The following ZBTB46 variants were observed in gnomAD, a reference collection of about 807,000 sequenced individuals.
ZBTB46 encodes the protein zinc finger and BTB domain-containing protein 46.
In ZBTB46, 8 loss-of-function variants were observed where a neutral mutation model predicts 44.1. The ratio of observed to expected loss-of-function variants is 0.18; its 90% CI spans 0.11 to 0.33. The LOEUF is 0.33. ZBTB46 is among the 10% of genes least tolerant of loss of function. The pLI, the probability that ZBTB46 is intolerant of heterozygous loss-of-function variation, is 1.00. For missense variants in ZBTB46, 651 were observed against 847.7 expected, an observed-to-expected ratio of 0.77 and a Z score of 2.88; for synonymous variants, 409 against 382.3, an observed-to-expected ratio of 1.07 and a Z score of -0.81.
At chr20:63,782,559 G>A (rs2092479708) in intron 2 of ZBTB46, among the ~76,000 whole-genome samples, 1 of 152,192 alleles carries the variant, frequency 6.6e-6, no homozygotes, top group African/African-American at 2.4e-5. Context: ...TCAGGAGCCA[G>A]GTGCTTGCCA....
intron 1 of ZBTB46, among the ~76,000 whole-genome samples, chr20:63,794,941 C>A (rs974214082): frequency 6.6e-6 from 1 of 152,216 alleles, no homozygotes; most frequent in Non-Finnish European, 1.5e-5. Flanking sequence ...CCGTGTGGCA[C>A]CCCCGTGCGC....
chr20:63,779,181 C>G (rs2092448513), intron 2 of ZBTB46, among the ~76,000 whole-genome samples: 1 of 152,008 alleles, frequency 6.6e-6, no homozygotes, highest in South Asian at 2.1e-4. Context: ...GGTGCACATT[C>G]AGCTCATAAC....
chr20:63,792,217 C>T (rs1206739515), intron 1 of ZBTB46, among the ~76,000 whole-genome samples: 1 of 152,248 alleles, frequency 6.6e-6, no homozygotes, highest in East Asian at 1.9e-4. Context: ...ACAGACAAAT[C>T]GTAAGGGGAC....
chr20:63,755,414 C>T (rs6122160), intron 3 of ZBTB46, among the ~76,000 whole-genome samples: 46,475 of 152,192 alleles, frequency 0.31, 7,687 homozygotes, highest in Admixed American at 0.38. Context: ...GGCTTGTGAC[C>T]GCATCGCTCC....
At chr20:63,770,017 G>A (rs1200173096) in intron 3 of ZBTB46, among the ~76,000 whole-genome samples, 2 of 152,218 alleles carry the variant, frequency 1.3e-5, no homozygotes, top group African/African-American at 2.4e-5. Flanking sequence ...CTTCACGGGA[G>A]GCGGCACCGC....
chr20:63,808,713 G>C (rs1407350353), intron 1 of ZBTB46, among the ~76,000 whole-genome samples: 1 of 152,130 alleles, frequency 6.6e-6, no homozygotes, highest in Non-Finnish European at 1.5e-5. Context: ...GGTGGCTCAC[G>C]CCTGTAATCC....
At chr20:63,777,698 G>A (rs1002716310) in intron 2 of ZBTB46, among the ~76,000 whole-genome samples, 9 of 152,168 alleles carry the variant, frequency 5.9e-5, no homozygotes, top group Non-Finnish European at 1.2e-4. Context: ...CGTCCAGGAC[G>A]CGCGTAGCAC....
chr20:63,793,814 G>C (rs1366348836), intron 1 of ZBTB46, among the ~76,000 whole-genome samples: 1 of 131,834 alleles, frequency 7.6e-6, no homozygotes, highest in Non-Finnish European at 1.6e-5. Context: ...AATCCAATCA[G>C]GGCAGCTTAA....
intron 1 of ZBTB46, among the ~76,000 whole-genome samples, chr20:63,807,420 CTG>C: frequency 6.6e-6 from 1 of 152,230 alleles, no homozygotes; most frequent in African/African-American, 2.4e-5. Context: ...TCTTGGCTCA[CTG>C]CAACTTCTAC....
At chr20:63,765,428 G>T (rs1305440316) in intron 3 of ZBTB46, among the ~76,000 whole-genome samples, 1 of 152,122 alleles carries the variant, frequency 6.6e-6, no homozygotes, top group African/African-American at 2.4e-5. Flanking sequence ...GGTTATGTGT[G>T]GGCGTTTCTT....
intron 1 of ZBTB46, among the ~76,000 whole-genome samples, chr20:63,830,892 C>T (rs1291260487): frequency 3.5e-5 from 5 of 142,154 alleles, no homozygotes; most frequent in African/African-American, 1.3e-4. Context: ...GGGTCTCCGC[C>T]GCCGCCCCCG....
At chr20:63,802,496 C>G (rs2092653835) in intron 1 of ZBTB46, among the ~76,000 whole-genome samples, 1 of 152,014 alleles carries the variant, frequency 6.6e-6, no homozygotes, top group African/African-American at 2.4e-5. Flanking sequence ...GAAATTTGGA[C>G]ACAGGTCGGC....
intron 1 of ZBTB46, among the ~76,000 whole-genome samples, chr20:63,823,515 AATAAG>A (rs1374116188): frequency 7.2e-5 from 11 of 151,762 alleles, no homozygotes; most frequent in Admixed American, 6.6e-5. Context: ...TAAATAAATA[AATAAG>A]ATAAAATAAA....
chr20:63,802,667 C>T (rs1253645936), intron 1 of ZBTB46, among the ~76,000 whole-genome samples: 4 of 146,100 alleles, frequency 2.7e-5, no homozygotes, highest in Non-Finnish European at 6.0e-5. Context: ...CTCAGACCCC[C>T]AGCACCCTCC....
intron 2 of ZBTB46, among the ~76,000 whole-genome samples, chr20:63,786,573 G>A (rs888875065): frequency 7.9e-5 from 12 of 152,094 alleles, no homozygotes; most frequent in Non-Finnish European, 1.3e-4. Flanking sequence ...GTGCAGTGGC[G>A]CGATCTCAGC....
intron 3 of ZBTB46, among the ~76,000 whole-genome samples, chr20:63,765,487 G>A (rs2092313934): frequency 6.6e-6 from 1 of 152,214 alleles, no homozygotes; most frequent in South Asian, 2.1e-4. Context: ...GGAGTGCAGT[G>A]GTGTAATCAT....
chr20:63,807,214 T>C (rs1201756161), intron 1 of ZBTB46, among the ~76,000 whole-genome samples: 1 of 152,156 alleles, frequency 6.6e-6, no homozygotes, highest in Non-Finnish European at 1.5e-5. Context: ...TTGATTCAAT[T>C]TCTTTATTGA....
At chr20:63,748,361 A>G (rs2092125475) in intron 4 of ZBTB46, among the ~76,000 whole-genome samples, 2 of 152,172 alleles carry the variant, frequency 1.3e-5, no homozygotes, top group African/African-American at 4.8e-5. Flanking sequence ...ACTACCACAC[A>G]CTGCTGGGGA....
chr20:63,769,244 T>C (rs1286846553), intron 3 of ZBTB46: 1 of 985,254 alleles, frequency 1.0e-6, no homozygotes, highest in African/African-American at 1.7e-5. Context: ...CACCCTGGTG[T>C]CTTACCTGAG....
Sources: gnomAD v4.1 joint callset for allele counts (sites outside exome capture counted in the v4.1 genomes callset) on GRCh38, gnomAD v4.1.1 for gene constraint, MANE v1.5 for transcripts, NCBI Gene and HGNC (gene_info 2026-07-23, HGNC 2026-07-21) for gene names.